Variants in SLIT2 observed in about 807,000 individuals in gnomAD.
The protein encoded by SLIT2 is slit homolog 2 protein.
A neutral mutation model predicts 185.7 loss-of-function variants in SLIT2; 41 were observed. The ratio of observed to expected loss-of-function variants is 0.22; its 90% CI spans 0.17 to 0.29. The LOEUF (loss-of-function observed/expected upper bound fraction) is 0.29. Among genes scored for constraint, SLIT2 ranks in the 10% least tolerant of loss-of-function variants. The probability of loss-of-function intolerance (pLI) is 1.00; values close to 1 mark genes in which losing one functional copy is unlikely to be tolerated. For synonymous variants in SLIT2, 693 were observed against 680.2 expected, an observed-to-expected ratio of 1.02 and a Z score of -0.29; for missense variants, 1,571 against 1,909.0, an observed-to-expected ratio of 0.82 and a Z score of 3.30.
At chr4:20,513,474 A>G (rs186751242) in intron 11 of SLIT2, among the ~76,000 whole-genome samples, 2 of 152,198 alleles carry the variant, frequency 1.3e-5, no homozygotes, top group African/African-American at 4.8e-5. Flanking sequence ...CACATTTGCA[A>G]TAGCTCTTTT....
At chr4:20,550,750 C>A in intron 24 of SLIT2, 77 bp from the exon 25 acceptor site, 1 of 850,098 alleles carries the variant, frequency 1.2e-6, no homozygotes. Flanking sequence ...TTATTATAAA[C>A]TAAAGTCTCG....
Position 20,470,861 on chromosome 4 carries a change from C to T in SLIT2, c.467+3038C>T, listed in dbSNP as rs369054813. On this transcript the variant is annotated intron_variant, in intron 5 of 36. Coordinates refer to ENST00000504154, the MANE Select transcript of SLIT2 (RefSeq NM_004787.4). ...AAAGTGCTGGGATTATGCACCTGGC[C>T]ATCCCTGTTTTTTAAAGGCAAAGCA... Among the ~76,000 whole-genome samples the T allele has an allele frequency of 9.8e-4, 149 of 152,252 alleles. 3 individuals are homozygous for T. The South Asian group carries it at 0.029, about 30-fold the overall frequency.
chr4:20,573,938 T>TTTTATTTA (rs10673597), intron 29 of SLIT2, among the ~76,000 whole-genome samples: 47,228 of 140,504 alleles, frequency 0.34, 9,771 homozygotes, highest in East Asian at 0.77. Context: ...CATAGAATTA[T>TTTTATTTA]TTTATTTATT....
chr4:20,601,226 G>A (rs1728387207), intron 33 of SLIT2, among the ~76,000 whole-genome samples: 1 of 152,198 alleles, frequency 6.6e-6, no homozygotes, highest in Non-Finnish European at 1.5e-5. Context: ...AGATAGTCTG[G>A]CTTGATTCAA....
intron 4 of SLIT2, among the ~76,000 whole-genome samples, chr4:20,334,400 A>G (rs2109210331): frequency 6.6e-6 from 1 of 152,304 alleles, no homozygotes; most frequent in Admixed American, 6.5e-5. Context: ...GAAACAGTTA[A>G]CTGGAACTGA....
chr4:20,389,850 A>G (rs1725277908), intron 4 of SLIT2, among the ~76,000 whole-genome samples: 1 of 152,094 alleles, frequency 6.6e-6, no homozygotes, highest in South Asian at 2.1e-4. Context: ...ATTGCCAGAC[A>G]TGTATTAATG....
Position 20,472,258 on chromosome 4 carries a change from C to CTATATATATCTATATATCTA in SLIT2, c.467+4443_467+4444insTCTATATATCTATATATATA, listed in dbSNP as rs1337807058. Among the ~76,000 whole-genome samples the CTATATATATCTATATATCTA allele has an allele frequency of 3.5e-4, 11 of 31,244 alleles. 1 individual carries two copies. Among genetic ancestry groups the CTATATATATCTATATATCTA allele is most frequent in the African/African-American group, 1.5e-3 (10 of 6,488 alleles). 20.5% of individuals were successfully genotyped at this position (31,244 alleles called of 152,430 possible). On this transcript the variant is annotated intron_variant, in intron 5 of 36. Transcript: ENST00000504154. ...TAGATCTATATATCTATATATAGAT[C>CTATATATATCTATATATCTA]TATATATAGATATATATCTATATAT...
intron 11 of SLIT2, 26 bp downstream of exon 11, chr4:20,511,163 GA>G: frequency 7.0e-7 from 1 of 1,427,480 alleles, no homozygotes; most frequent in Non-Finnish European, 9.8e-7. Context: ...GTCACTGAAG[GA>G]AAAGAGAAGC....
intron 4 of SLIT2, among the ~76,000 whole-genome samples, chr4:20,338,230 G>T (rs571975660): frequency 2.6e-5 from 4 of 152,280 alleles, no homozygotes; most frequent in African/African-American, 9.6e-5. Flanking sequence ...AATTACAGAG[G>T]ATGAAAGTAT....
Position 20,398,497 on chromosome 4 carries a change from G to A in SLIT2, c.396-69255G>A, listed in dbSNP as rs181213689. On this transcript the variant is annotated intron_variant, in intron 4 of 36. Coordinates refer to ENST00000504154, the MANE Select transcript of SLIT2 (RefSeq NM_004787.4). ...GTTTGCAAATAGCACTGAAAATCAGGAAGTTAGAAGTTAACTTTATGGCCA... is the reference window on the plus strand; with the variant it reads ...GTTTGCAAATAGCACTGAAAATCAGAAAGTTAGAAGTTAACTTTATGGCCA... Among the ~76,000 whole-genome samples the A allele has an allele frequency of 1.2e-3, 180 of 151,848 alleles. 2 individuals are homozygous for A. The highest frequency in any genetic ancestry group is 2.1e-3 in the Non-Finnish European group (142 of 67,800).
chr4:20,384,221 A>G (rs1560374858), intron 4 of SLIT2, among the ~76,000 whole-genome samples: 1 of 152,182 alleles, frequency 6.6e-6, no homozygotes, highest in Non-Finnish European at 1.5e-5. Context: ...ATAAAAAACA[A>G]CTATCAATAC....
At chr4:20,502,005 A>ACATAC in intron 9 of SLIT2, among the ~76,000 whole-genome samples, 2 of 152,290 alleles carry the variant, frequency 1.3e-5, no homozygotes, top group Admixed American at 1.3e-4. Flanking sequence ...TCTTGTACCT[A>ACATAC]ATTTCCCAAG....
chr4:20,442,478 C>T (rs982757232), intron 4 of SLIT2, among the ~76,000 whole-genome samples: 6 of 138,968 alleles, frequency 4.3e-5, no homozygotes, highest in East Asian at 2.2e-4. Context: ...GAGCTGAGAT[C>T]GCGCCACTGC....
intron 4 of SLIT2, among the ~76,000 whole-genome samples, chr4:20,289,692 T>G (rs1421690850): frequency 6.6e-6 from 1 of 152,224 alleles, no homozygotes; most frequent in Non-Finnish European, 1.5e-5. Flanking sequence ...GACTTTGTTT[T>G]GTTCACTGTT....
chr4:20,439,780 C>T (rs10516355), intron 4 of SLIT2, among the ~76,000 whole-genome samples: 33,313 of 151,978 alleles, frequency 0.22, 3,867 homozygotes, highest in Non-Finnish European at 0.27. Flanking sequence ...TGAACCCGTA[C>T]AAAGATTTAG....
Position 20,364,290 on chromosome 4 carries a change from C to G in SLIT2, c.395+95409C>G, listed in dbSNP as rs901511162. On this transcript the variant is annotated intron_variant, in intron 4 of 36. Transcript: ENST00000504154. ...CTGCCTGCACATATGAAAGGGTAAG[C>G]ATTAATTTCAATAATGGTTCAAGTA... 5 of 984,686 alleles carry G rather than the reference C, an allele frequency of 5.1e-6. No individual in the cohort carries two copies. In the South Asian group the frequency reaches 1.9e-4, roughly 37 times the overall value. The allele number at this position is 984,686 out of a possible 1,614,324, so 61.0% of individuals were successfully genotyped here.
chr4:20,261,929 T>C (rs1242071622), intron 3 of SLIT2, among the ~76,000 whole-genome samples: 1 of 151,810 alleles, frequency 6.6e-6, no homozygotes, highest in Admixed American at 6.6e-5. Flanking sequence ...AATATTGCTT[T>C]AACTTCTCCT....
chr4:20,387,534 C>A (rs938572614), intron 4 of SLIT2, among the ~76,000 whole-genome samples: 3 of 152,202 alleles, frequency 2.0e-5, no homozygotes, highest in Non-Finnish European at 4.4e-5. Context: ...TGTCATGAAG[C>A]CTCTGGAAAA....
chr4:20,529,008 G>C lies in SLIT2; in HGVS notation c.1522G>C (p.Glu508Gln), dbSNP rs764187417. ...CTGCTTTGCGGATCTGGCTTGCCCTGAAAAGTGTCGCTGTGAAGGAACCAC... is the reference window on the plus strand; with the variant it reads ...CTGCTTTGCGGATCTGGCTTGCCCTCAAAAGTGTCGCTGTGAAGGAACCAC... ...GDCFADLACP[E>Q]KCRCEGTTVD... The change falls in exon 16 of 37, where the codon GAA becomes CAA. Residue 508 changes from glutamate (E) to glutamine (Q), a missense_variant. This residue lies in a region of SLIT2 where 1,202 missense variants were observed against 1,416.4 expected (regional missense o/e 0.85). Transcript: ENST00000504154. 6.2e-7 allele frequency: 1 copy of C among 1,613,894 alleles called. No homozygotes were observed. The highest frequency in any genetic ancestry group is 1.1e-5 in the South Asian group (1 of 91,066).
Sources: allele counts gnomAD v4.1 joint callset (sites outside exome capture counted in the v4.1 genomes callset), GRCh38; gene constraint gnomAD v4.1.1; regional missense constraint gnomAD v4.1.1; transcripts MANE v1.5; gene names NCBI Gene and HGNC (gene_info 2026-07-23, HGNC 2026-07-21).